Variants in GLS observed in about 807,000 individuals in gnomAD.
GLS encodes glutaminase kidney isoform, mitochondrial.
GLS carries 36 observed loss-of-function variants against 86.7 expected under a neutral mutation model. That is an observed-to-expected ratio of 0.42 (90% CI 0.32 to 0.55). GLS has a LOEUF of 0.55. Among genes scored for constraint, GLS ranks in the 20% least tolerant of loss-of-function variants. The pLI is 0.17. For missense variants in GLS, 528 were observed against 833.4 expected, an observed-to-expected ratio of 0.63 and a Z score of 4.51; for synonymous variants, 317 against 305.9, an observed-to-expected ratio of 1.04 and a Z score of -0.38.
chr2:190,925,248 C>T (rs1484719574), intron 11 of GLS, among the ~76,000 whole-genome samples: 1 of 152,046 alleles, frequency 6.6e-6, no homozygotes, highest in African/African-American at 2.4e-5. Flanking sequence ...TCAGAGGGCT[C>T]TTATTCAGCA....
At chr2:190,909,564 A>G (rs1327279666) in intron 6 of GLS, among the ~76,000 whole-genome samples, 1 of 152,038 alleles carries the variant, frequency 6.6e-6, no homozygotes. Flanking sequence ...CCAAGATTTT[A>G]TTTTTGGTGC....
chr2:190,934,288 A>C (rs1690200201), intron 14 of GLS: 1 of 960,360 alleles, frequency 1.0e-6, no homozygotes. Context: ...AAGATAGAAA[A>C]TCTTGATCAT....
intron 17 of GLS, among the ~76,000 whole-genome samples, chr2:190,957,435 C>T (rs1015632796): frequency 6.6e-6 from 1 of 152,158 alleles, no homozygotes; most frequent in Non-Finnish European, 1.5e-5. Context: ...CCAGAACTGC[C>T]AATACTATGT....
chr2:190,928,655 T>C (rs565481234), intron 12 of GLS, among the ~76,000 whole-genome samples: 1 of 151,508 alleles, frequency 6.6e-6, no homozygotes, highest in Non-Finnish European at 1.5e-5. Context: ...TTTTATAGTT[T>C]GTTTGACTTA....
At position 190,953,947 on chromosome 2, in the gene GLS, G is replaced by GAT. The variant is rs1478897548; in HGVS notation, c.1712+324_1712+325dup. On this transcript the variant is annotated intron_variant, in intron 15 of 17. Transcript: ENST00000320717. This position sits in a 1 kb window ranked among gnomAD's most constrained non-coding sequence, Gnocchi z 4.0. ...TGTCTACCCTCCATTCCCAATCTTT[G>GAT]ATATGTGTGTGTGTGTGTGTGTGTG... 4.0e-4 allele frequency among the ~76,000 whole-genome samples: 47 copies of GAT among 117,708 alleles called. No homozygotes were observed. Among genetic ancestry groups the GAT allele is most frequent in the Admixed American group, 3.5e-3 (38 of 10,860 alleles). 77.2% of individuals were successfully genotyped at this position (117,708 alleles called of 152,430 possible). A position where few individuals can be genotyped will look rare whatever the true frequency, so the allele number is the denominator to read the frequency against.
Position 190,953,102 on chromosome 2 carries a change from T to G in GLS, c.1651-463T>G, listed in dbSNP as rs923424422. Among the ~76,000 whole-genome samples, 1 of 152,234 alleles carries G rather than the reference T, an allele frequency of 6.6e-6. No individual in the cohort carries two copies. The highest frequency in any genetic ancestry group is 2.1e-4 in the South Asian group (1 of 4,834). ...ACAGTTAACACTGAATGTTCTCTCT[T>G]AAGATTTGCAAAGAAGCCAGTGATT... On this transcript the variant is annotated intron_variant, in intron 14 of 17. Coordinates refer to ENST00000320717, the MANE Select transcript of GLS (RefSeq NM_014905.5). This position sits in a 1 kb window ranked among gnomAD's most constrained non-coding sequence, Gnocchi z 4.0.
intron 1 of GLS, among the ~76,000 whole-genome samples, chr2:190,892,251 G>T (rs1374769085): frequency 3.3e-5 from 5 of 152,090 alleles, no homozygotes; most frequent in African/African-American, 1.2e-4. Flanking sequence ...TGATCTTAAA[G>T]GCAGCATTTA....
intron 7 of GLS, among the ~76,000 whole-genome samples, chr2:190,919,346 C>T (rs1314637419): frequency 2.0e-5 from 3 of 152,018 alleles, no homozygotes; most frequent in Non-Finnish European, 2.9e-5. Context: ...CAAAATAGAC[C>T]AATTATGTGA....
chr2:190,888,915 T>G (rs1216109652), intron 1 of GLS, among the ~76,000 whole-genome samples: 1 of 152,216 alleles, frequency 6.6e-6, no homozygotes, highest in Non-Finnish European at 1.5e-5. Flanking sequence ...ACATAAAAAT[T>G]ACCACTTTAA....
chr2:190,954,630 A>G lies in GLS; in HGVS notation c.1759A>G (p.Arg587Gly). Residue 587 changes from arginine to glycine, a missense_variant, in exon 16 of 18, where the codon AGA becomes GGA. Physicochemically the swap from Arg to Gly is moderately radical, Grantham distance 125. Transcript: ENST00000320717. This position sits in a 1 kb window ranked among gnomAD's most constrained non-coding sequence, Gnocchi z 4.0. ...CATGGAACAGCGGGACTATGATTCT[A>G]GAACAGCACTCCATGTAGCTGCTGC... ...MDMEQRDYDS[R>G]TALHVAAAEG... 6.2e-7 allele frequency: 1 copy of G among 1,612,894 alleles called. No individual in the cohort carries two copies. Among genetic ancestry groups the G allele is most frequent in the African/African-American group, 1.3e-5 (1 of 75,050 alleles).
intron 1 of GLS, among the ~76,000 whole-genome samples, chr2:190,892,258 T>G (rs972468239): frequency 1.3e-5 from 2 of 152,114 alleles, no homozygotes; most frequent in Non-Finnish European, 2.9e-5. Context: ...AAAGGCAGCA[T>G]TTAGAAAGGA....
In GLS at chr2:190,914,413, A is replaced by G. The variant is rs545530824; in HGVS notation, c.1038+4092A>G. On this transcript the variant is annotated intron_variant, in intron 7 of 17. Coordinates refer to ENST00000320717, the MANE Select transcript of GLS (RefSeq NM_014905.5). The surrounding 1 kb of genome is among the most constrained non-coding windows in gnomAD (Gnocchi z 4.4). The stretch of plus-strand genomic sequence containing the variant: ...ATATTGGTTTATTTACTTCTTGTTT[A>G]TATCAGTTTATGCTTTAGTTTTTTT... 4.0e-5 allele frequency among the ~76,000 whole-genome samples: 6 copies of G among 151,576 alleles called. No individual in the cohort carries two copies. The highest frequency in any genetic ancestry group is 1.9e-4 in the East Asian group (1 of 5,164).
Position 190,949,494 on chromosome 2 carries a change from G to A in GLS, c.1651-4071G>A, listed in dbSNP as rs1258785988. 6.6e-6 allele frequency among the ~76,000 whole-genome samples: 1 copy of A among 152,120 alleles called. No homozygotes were observed. Among genetic ancestry groups the A allele is most frequent in the South Asian group, 2.1e-4 (1 of 4,822 alleles). On this transcript the variant is annotated intron_variant, in intron 14 of 17. Coordinates refer to ENST00000320717, the MANE Select transcript of GLS (RefSeq NM_014905.5). This position sits in a 1 kb window ranked among gnomAD's most constrained non-coding sequence, Gnocchi z 4.0. Reference sequence around the variant, plus strand: ...AGATCGCTTGAGGTCGGGAGTTTGGGACCAGCCTGGCCAACCTAGTGAAAC... The same window carrying A: ...AGATCGCTTGAGGTCGGGAGTTTGGAACCAGCCTGGCCAACCTAGTGAAAC...
At position 190,895,902 on chromosome 2, in the gene GLS, T is replaced by C. The variant is rs1688717543; in HGVS notation, c.605+177T>C. 1 of 428,418 alleles carries C rather than the reference T, an allele frequency of 2.3e-6. No individual in the cohort carries two copies. Among genetic ancestry groups the C allele is most frequent in the Non-Finnish European group, 4.3e-6 (1 of 232,844 alleles). The allele number at this position is 428,418 out of a possible 1,614,324, so 26.5% of individuals were successfully genotyped here. A position where few individuals can be genotyped will look rare whatever the true frequency, so the allele number is the denominator to read the frequency against. On this transcript the variant is annotated intron_variant, in intron 3 of 17. Coordinates refer to ENST00000320717, the MANE Select transcript of GLS (RefSeq NM_014905.5). The surrounding 1 kb of genome is among the most constrained non-coding windows in gnomAD (Gnocchi z 4.2). ...TATTAGGTTCTATAATACACCGGGCTAAGAGTATTCTTTCTTTAAATCTGT... is the reference window on the plus strand; with the variant it reads ...TATTAGGTTCTATAATACACCGGGCCAAGAGTATTCTTTCTTTAAATCTGT...
chr2:190,906,837 T>TA lies in GLS; in HGVS notation c.979+1676dup, dbSNP rs1689154700. On this transcript the variant is annotated intron_variant, in intron 6 of 17. Coordinates refer to ENST00000320717, the MANE Select transcript of GLS (RefSeq NM_014905.5). ...GTGTGTATCTAAAATAATAAATTTT[T>TA]AAAAAATAAATATATTACTGTTACA... 2.6e-5 allele frequency among the ~76,000 whole-genome samples: 4 copies of TA among 152,150 alleles called. No individual in the cohort carries two copies. In the South Asian group the frequency reaches 8.3e-4, roughly 32 times the overall value.
chr2:190,953,738 T>C lies in GLS; in HGVS notation c.1712+112T>C. The C allele has an allele frequency of 1.3e-6, 1 of 742,188 alleles. No individual in the cohort carries two copies. Among genetic ancestry groups the C allele is most frequent in the East Asian group, 2.5e-5 (1 of 39,968 alleles). 46.0% of individuals were successfully genotyped at this position (742,188 alleles called of 1,614,324 possible). ...CACTTTTCTTTCCCTTTGATAAAAA[T>C]GACCCCAACAAAATTTTTATTAAAT... On this transcript the variant is annotated intron_variant, in intron 15 of 17. Transcript: ENST00000320717. The surrounding 1 kb of genome is among the most constrained non-coding windows in gnomAD (Gnocchi z 4.0).
chr2:190,910,290 C>T lies in GLS; in HGVS notation c.1007C>T (p.Ala336Val). Residue 336 changes from alanine (A) to valine (V), a missense_variant, in exon 7 of 18, where the codon GCT (alanine) becomes GTT (valine). By Grantham distance (64) the Ala-to-Val change is moderately conservative (BLOSUM62 0). Around this residue, in one of 4 missense-constraint regions of GLS, gnomAD observed 163 missense variants for 429.2 expected, o/e 0.38. Transcript: ENST00000320717. ...DDKPHNPMVN[A>V]GAIVVTSLIK... is the part of the protein sequence containing the mutation. The stretch of plus-strand genomic sequence containing the variant: ...AAACCACATAATCCTATGGTAAATG[C>T]TGGAGCAATTGTTGTGACTTCACTA... 1 of 1,569,502 alleles carries T rather than the reference C, an allele frequency of 6.4e-7. No homozygotes were observed. The highest frequency in any genetic ancestry group is 1.2e-5 in the South Asian group (1 of 86,812).
chr2:190,899,298 G>A lies in GLS; in HGVS notation c.606-1266G>A, dbSNP rs910127007. Among the ~76,000 whole-genome samples the A allele has an allele frequency of 5.9e-5, 9 of 152,070 alleles. 1 individual carries two copies. Among genetic ancestry groups the A allele is most frequent in the Admixed American group, 3.3e-4 (5 of 15,268 alleles). ...GCTCTGGGGTGTCAATACTATATAA[G>A]TTATGGAAATTAGGACTGTAATTTT... is the stretch of plus-strand genomic sequence containing the variant. On this transcript the variant is annotated intron_variant, in intron 3 of 17. Transcript: ENST00000320717.
At chr2:190,942,037 T>C (rs1372869092) in intron 14 of GLS, among the ~76,000 whole-genome samples, 1 of 150,534 alleles carries the variant, frequency 6.6e-6, no homozygotes, top group Non-Finnish European at 1.5e-5. Context: ...TTTTGGACTT[T>C]ATTCAGAGTT....
Sources: gnomAD v4.1 joint callset for allele counts (sites outside exome capture counted in the v4.1 genomes callset) on GRCh38, gnomAD v4.1.1 for gene constraint, gnomAD v4.1.1 regional missense constraint, Gnocchi (gnomAD v3.1) non-coding constraint, MANE v1.5 for transcripts, NCBI Gene and HGNC (gene_info 2026-07-23, HGNC 2026-07-21) for gene names.